TBC1D2B: variants seen among roughly 807,000 people sequenced by gnomAD.
The protein encoded by TBC1D2B is TBC1 domain family, member 2B.
Under a neutral mutation model 100.8 loss-of-function variants are expected in TBC1D2B, and 64 were observed. The ratio of observed to expected loss-of-function variants is 0.64; its 90% CI spans 0.52 to 0.78. TBC1D2B has a LOEUF of 0.78. TBC1D2B is among the 30% of genes least tolerant of loss of function. TBC1D2B has a pLI of 0.00. For missense variants in TBC1D2B, 1,052 were observed against 1,218.4 expected (o/e 0.86, Z 2.03); for synonymous variants, 480 against 479.7 (o/e 1.00, Z -0.01).
intron 4 of TBC1D2B, among the ~76,000 whole-genome samples, chr15:78,026,696 A>T (rs1011173889): frequency 4.6e-5 from 7 of 152,106 alleles, no homozygotes; most frequent in Non-Finnish European, 8.8e-5. Context: ...CAGGTGGATC[A>T]CCTGAGGTCG....
chr15:78,025,813 A>T (rs2072651846), intron 4 of TBC1D2B, among the ~76,000 whole-genome samples: 1 of 152,166 alleles, frequency 6.6e-6, no homozygotes, highest in Non-Finnish European at 1.5e-5. Flanking sequence ...GGCGTGAGCC[A>T]CCGTGCCCGG....
chr15:78,025,422 A>C lies in TBC1D2B; in HGVS notation c.923T>G (p.Ile308Ser). The C allele has an allele frequency of 6.2e-7, 1 of 1,613,900 alleles. No individual in the cohort carries two copies. Among genetic ancestry groups the C allele is most frequent in the Non-Finnish European group, 8.5e-7 (1 of 1,179,872 alleles). The change falls in exon 5 of 13, where the codon ATT becomes AGT. Residue 308 changes from isoleucine (I) to serine (S), a missense_variant. Physicochemically the swap from Ile to Ser is moderately radical, Grantham distance 142. Coordinates refer to ENST00000300584, the MANE Select transcript of TBC1D2B (RefSeq NM_144572.2). The stretch of plus-strand genomic sequence containing the variant: ...GCTGTGACGATTTTTGTACGACCCA[A>C]TTATGTCTTTCAAAGGGCGCTTTCC... ...YKGKRPLKDI[I>S]GSYKNRHSSG...
At chr15:78,051,529 G>A (rs906956984) in intron 2 of TBC1D2B, among the ~76,000 whole-genome samples, 1 of 152,178 alleles carries the variant, frequency 6.6e-6, no homozygotes, top group African/African-American at 2.4e-5. Flanking sequence ...AGCTATCAGT[G>A]CAAAACGTTA....
chr15:78,038,195 T>G (rs116968451), intron 3 of TBC1D2B, among the ~76,000 whole-genome samples: 1 of 152,308 alleles, frequency 6.6e-6, no homozygotes, highest in Non-Finnish European at 1.5e-5. Context: ...CAGTGTGAGG[T>G]GCTGGGGTAA....
chr15:78,033,419 A>G (rs1478218070), intron 3 of TBC1D2B, among the ~76,000 whole-genome samples: 2 of 152,240 alleles, frequency 1.3e-5, no homozygotes, highest in African/African-American at 4.8e-5. Flanking sequence ...TATAAGGAGT[A>G]TGATTCCATT....
intron 12 of TBC1D2B, among the ~76,000 whole-genome samples, chr15:77,999,951 G>A (rs1317491472): frequency 3.9e-5 from 6 of 152,132 alleles, no homozygotes; most frequent in African/African-American, 7.2e-5. Context: ...TGTAACTCCC[G>A]TCTCCTGAAT....
At chr15:78,041,502 T>C (rs561394398) in intron 3 of TBC1D2B, among the ~76,000 whole-genome samples, 15 of 152,332 alleles carry the variant, frequency 9.8e-5, no homozygotes, top group African/African-American at 3.4e-4. Context: ...TACTGATAAA[T>C]AGAATAAAAG....
chr15:78,034,496 T>C (rs1338783116), intron 3 of TBC1D2B: 1 of 985,312 alleles, frequency 1.0e-6, no homozygotes, highest in Non-Finnish European at 1.2e-6. Context: ...GCTGTCAAAC[T>C]GTGCTCCTCA....
chr15:78,077,256 G>A (rs145512970), intron 1 of TBC1D2B, 37 bp downstream of exon 1: 1 of 1,404,782 alleles, frequency 7.1e-7, no homozygotes, highest in Non-Finnish European at 9.2e-7. Flanking sequence ...GGACGCCGGC[G>A]GAAGCGCGCG....
chr15:78,025,931 A>G (rs2072655069), intron 4 of TBC1D2B, among the ~76,000 whole-genome samples: 1 of 151,742 alleles, frequency 6.6e-6, no homozygotes, highest in South Asian at 2.1e-4. Flanking sequence ...CACCACCTTA[A>G]GAACTACAGG....
At chr15:78,068,353 C>T (rs1040970536) in intron 1 of TBC1D2B, among the ~76,000 whole-genome samples, 1 of 149,762 alleles carries the variant, frequency 6.7e-6, no homozygotes, top group African/African-American at 2.5e-5. Flanking sequence ...ACGTCCGTTT[C>T]ACCATGAAAT....
chr15:78,075,207 T>A (rs186486094), intron 1 of TBC1D2B, among the ~76,000 whole-genome samples: 70 of 152,142 alleles, frequency 4.6e-4, no homozygotes, highest in African/African-American at 8.4e-4. Context: ...ATTTTTTTTT[T>A]AATTTTTTTT....
At chr15:78,023,958 G>A (rs547127858) in intron 6 of TBC1D2B, among the ~76,000 whole-genome samples, 198 bp downstream of exon 6, 51 of 152,338 alleles carry the variant, frequency 3.3e-4, no homozygotes, top group African/African-American at 1.2e-3. Context: ...CAAAGCAACA[G>A]CAAGAGTTTC....
intron 3 of TBC1D2B, among the ~76,000 whole-genome samples, chr15:78,032,058 G>T (rs1030255609): frequency 2.6e-5 from 4 of 152,230 alleles, no homozygotes; most frequent in African/African-American, 9.6e-5. Context: ...TGCACAGAGG[G>T]AGTGTCACAG....
intron 6 of TBC1D2B, among the ~76,000 whole-genome samples, chr15:78,023,029 G>A (rs1445518997): frequency 1.3e-5 from 2 of 152,056 alleles, no homozygotes; most frequent in African/African-American, 2.4e-5. Flanking sequence ...CCATGATTCC[G>A]GTGTTTTTAC....
Position 78,012,916 on chromosome 15 carries a change from C to A in TBC1D2B, c.2177G>T (p.Cys726Phe). ...RTLPNNKHYS[C>F]PTSEGIQKLR... is the part of the protein sequence containing the mutation. ...CTTCTGTATGCCTTCTGAGGTGGGG[C>A]AGGAGTAATGTTTGTTGTTGGGCAG... is the stretch of plus-strand genomic sequence containing the variant. Residue 726 changes from cysteine to phenylalanine, a missense_variant, in exon 9 of 13, where the codon TGC becomes TTC. Transcript: ENST00000300584. 1 of 1,539,392 alleles carries A rather than the reference C, an allele frequency of 6.5e-7. No homozygotes were observed.
At chr15:78,067,428 A>G (rs912863393) in intron 1 of TBC1D2B, among the ~76,000 whole-genome samples, 1 of 152,234 alleles carries the variant, frequency 6.6e-6, no homozygotes, top group African/African-American at 2.4e-5. Context: ...GGCTGCATCC[A>G]TTTAGAAAGC....
intron 1 of TBC1D2B, among the ~76,000 whole-genome samples, chr15:78,076,876 G>A (rs962339090): frequency 4.6e-5 from 7 of 152,216 alleles, no homozygotes; most frequent in African/African-American, 1.7e-4. Flanking sequence ...AGAGGAGGCC[G>A]CTGCAGCCCA....
rs1052445294 is a variant in TBC1D2B at position 78,030,661 on chromosome 15, C to T, written c.684-491G>A. Among the ~76,000 whole-genome samples, 3 of 152,148 alleles carry T rather than the reference C, an allele frequency of 2.0e-5. No individual in the cohort carries two copies. The East Asian group carries it at 5.8e-4, about 29-fold the overall frequency. On this transcript the variant is annotated intron_variant, in intron 3 of 12. Transcript: ENST00000300584. ...GTGGGATTATAAATTGATACTATTACCATGCAGAGGAACTCAGCAAGGTAC... is the reference window on the plus strand; with the variant it reads ...GTGGGATTATAAATTGATACTATTATCATGCAGAGGAACTCAGCAAGGTAC...
Sources: allele counts gnomAD v4.1 joint callset (sites outside exome capture counted in the v4.1 genomes callset), GRCh38; gene constraint gnomAD v4.1.1; transcripts MANE v1.5; gene names NCBI Gene and HGNC (gene_info 2026-07-23, HGNC 2026-07-21).